Variants in NEBL observed in about 807,000 individuals in gnomAD.
The protein encoded by NEBL is nebulette.
A neutral mutation model predicts 140.2 loss-of-function variants in NEBL; 122 were observed. That is an observed-to-expected ratio of 0.87 (90% CI 0.75 to 1.01). The LOEUF (loss-of-function observed/expected upper bound fraction) is 1.01, where lower values mean the gene tolerates loss of function less well. Ranked by LOEUF, NEBL falls within the 50% of genes least tolerant of loss-of-function variation. The pLI is 0.00. For synonymous variants in NEBL, 436 were observed against 398.9 expected (o/e 1.09, Z -1.11); for missense variants, 1,365 against 1,231.3 (o/e 1.11, Z -1.62).
At chr10:20,869,512 T>C (rs1035814172) in intron 6 of NEBL, among the ~76,000 whole-genome samples, 4 of 152,166 alleles carry the variant, frequency 2.6e-5, no homozygotes, top group Admixed American at 6.5e-5. Context: ...TTTATTTCTC[T>C]AAAAGTATGA....
intron 1 of NEBL, among the ~76,000 whole-genome samples, chr10:21,257,916 A>AAC (rs10660140): frequency 0.3 from 45,574 of 150,502 alleles, 9,767 homozygotes; most frequent in African/African-American, 0.61. Flanking sequence ...AAAACATCAA[A>AAC]ACACACACAC....
intron 3 of NEBL, among the ~76,000 whole-genome samples, chr10:21,246,944 T>C (rs548646981): frequency 6.6e-6 from 1 of 152,242 alleles, no homozygotes; most frequent in East Asian, 1.9e-4. Flanking sequence ...AGGAACATGG[T>C]AGGAGGTGAT....
At chr10:20,837,397 C>G (rs1480194150) in intron 13 of NEBL, among the ~76,000 whole-genome samples, 2 of 152,170 alleles carry the variant, frequency 1.3e-5, no homozygotes, top group Non-Finnish European at 2.9e-5. Context: ...TAATCCAGAA[C>G]AAGGCCCTAA....
intron 2 of NEBL, among the ~76,000 whole-genome samples, chr10:21,106,028 G>C (rs1837700823): frequency 1.3e-5 from 2 of 151,864 alleles, no homozygotes; most frequent in South Asian, 4.2e-4. Context: ...CTTTTTGATG[G>C]GGTTGTTTGT....
upstream of NEBL, among the ~76,000 whole-genome samples, chr10:20,900,876 G>A (rs543350267): frequency 8.4e-5 from 12 of 142,144 alleles, no homozygotes; most frequent in Admixed American, 1.5e-4. Flanking sequence ...AAAATTAGCC[G>A]GGCATGGTGG....
intron 1 of NEBL, among the ~76,000 whole-genome samples, chr10:21,278,397 T>A (rs956357182): frequency 2.0e-5 from 3 of 152,258 alleles, no homozygotes; most frequent in Non-Finnish European, 4.4e-5. Context: ...TGAGCTATGA[T>A]GGCACCACTG....
chr10:20,914,969 A>ATTTTTTTTTTTTTTTTTTTTTTTTTTTT lies in NEBL; in HGVS notation c.357+46702_357+46703insAAAAAAAAAAAAAAAAAAAAAAAAAAAA, dbSNP rs71390798. On this transcript the variant is annotated intron_variant, in intron 4 of 6. Transcript: ENST00000417816. ...TACCTCTGCCTCCCAAGTGGCTGGG[A>ATTTTTTTTTTTTTTTTTTTTTTTTTTTT]TTTTTTTTTTTTTTGGAGAGATGGG... Among the ~76,000 whole-genome samples the ATTTTTTTTTTTTTTTTTTTTTTTTTTTT allele has an allele frequency of 2.0e-4, 22 of 111,216 alleles. 1 individual carries two copies. The highest frequency in any genetic ancestry group is 9.8e-4 in the East Asian group (4 of 4,080). 73.0% of individuals were successfully genotyped at this position (111,216 alleles called of 152,430 possible). A position where few individuals can be genotyped will look rare whatever the true frequency, so the allele number is the denominator to read the frequency against.
intron 1 of NEBL, among the ~76,000 whole-genome samples, chr10:21,270,598 C>T (rs1842850319): frequency 6.6e-6 from 1 of 152,094 alleles, no homozygotes; most frequent in African/African-American, 2.4e-5. Flanking sequence ...GAAATCCTGA[C>T]CTCAAGTGGT....
intron 4 of NEBL, among the ~76,000 whole-genome samples, chr10:20,946,620 C>T (rs1835173124): frequency 6.6e-6 from 1 of 152,148 alleles, no homozygotes; most frequent in South Asian, 2.1e-4. Context: ...CGTCACCACA[C>T]CCAGATAACA....
intron 3 of NEBL, among the ~76,000 whole-genome samples, chr10:21,193,754 A>C (rs1055462060): frequency 6.6e-6 from 1 of 152,202 alleles, no homozygotes; most frequent in Non-Finnish European, 1.5e-5. Context: ...TTCTTTATAC[A>C]GTCTTGTAAG....
At chr10:20,925,124 G>C (rs1035205619) in intron 4 of NEBL, among the ~76,000 whole-genome samples, 1 of 152,208 alleles carries the variant, frequency 6.6e-6, no homozygotes, top group East Asian at 1.9e-4. Flanking sequence ...GGCTCCTTTT[G>C]TAGAGACAAA....
Position 21,173,274 on chromosome 10 carries a change from T to G in NEBL, c.69+491A>C, listed in dbSNP as rs1237574269. Among the ~76,000 whole-genome samples the G allele has an allele frequency of 1.3e-5, 2 of 152,078 alleles. No individual in the cohort carries two copies. The highest frequency in any genetic ancestry group is 1.3e-4 in the Admixed American group (2 of 15,278). ...CTCCAGCAGGGATTATTCTTAGCAA[T>G]GCGGCAGCGGCCGCCCCATGACATA... On this transcript the variant is annotated intron_variant, in intron 1 of 6. Transcript: ENST00000417816. This position sits in a 1 kb window ranked among gnomAD's most constrained non-coding sequence, Gnocchi z 5.7.
At chr10:20,921,920 T>A (rs1364367195) in intron 4 of NEBL, among the ~76,000 whole-genome samples, 1 of 152,216 alleles carries the variant, frequency 6.6e-6, no homozygotes, top group Non-Finnish European at 1.5e-5. Flanking sequence ...CATATAAAAA[T>A]ATGTGTGAAC....
At chr10:21,081,361 G>A (rs1836360109) in intron 2 of NEBL, among the ~76,000 whole-genome samples, 1 of 152,172 alleles carries the variant, frequency 6.6e-6, no homozygotes, top group Non-Finnish European at 1.5e-5. Flanking sequence ...GTCAGCCATG[G>A]GGATGTGAGG....
intron 4 of NEBL, among the ~76,000 whole-genome samples, chr10:20,911,911 T>C (rs1226395178): frequency 6.6e-6 from 1 of 152,206 alleles, no homozygotes; most frequent in Non-Finnish European, 1.5e-5. Context: ...CAGATATTTA[T>C]CATAGCATTC....
intron 4 of NEBL, among the ~76,000 whole-genome samples, chr10:20,904,639 T>G (rs568044507): frequency 2.6e-4 from 40 of 152,236 alleles, no homozygotes; most frequent in African/African-American, 9.4e-4. Flanking sequence ...AAATGTCACA[T>G]GTGTGCTTGT....
At position 20,793,470 on chromosome 10, in the gene NEBL, T is replaced by A. The variant is rs1411677410; in HGVS notation, c.2762-6162A>T. 4 of 325,494 alleles carry A rather than the reference T, an allele frequency of 1.2e-5. No homozygotes were observed. In the East Asian group the frequency reaches 6.8e-4, roughly 55 times the overall value. The allele number at this position is 325,494 out of a possible 1,614,324, so 20.2% of individuals were successfully genotyped here. On this transcript the variant is annotated intron_variant, in intron 26 of 27. Transcript: ENST00000377122. ...ACCCTGACTGCATATGACGTTCAGG[T>A]CCCCCACACCAATTATAATAAATCA...
intron 2 of NEBL, among the ~76,000 whole-genome samples, chr10:21,083,573 G>C (rs1219688843): frequency 6.6e-6 from 1 of 152,186 alleles, no homozygotes; most frequent in Non-Finnish European, 1.5e-5. Flanking sequence ...GTCCTCGGTG[G>C]AAGAGAGAGA....
chr10:20,887,447 C>T (rs1055394668), intron 4 of NEBL, among the ~76,000 whole-genome samples: 1 of 131,518 alleles, frequency 7.6e-6, no homozygotes, highest in Admixed American at 8.1e-5. Flanking sequence ...GAGACAGAGG[C>T]TCACTCTGTT....
Sources: gnomAD v4.1 joint callset for allele counts (sites outside exome capture counted in the v4.1 genomes callset) on GRCh38, gnomAD v4.1.1 for gene constraint, Gnocchi (gnomAD v3.1) non-coding constraint, MANE v1.5 for transcripts, NCBI Gene and HGNC (gene_info 2026-07-23, HGNC 2026-07-21) for gene names.